The following NRG1 variants were observed in gnomAD, a reference collection of about 807,000 sequenced individuals.
The protein encoded by NRG1 is pro-neuregulin-1, membrane-bound isoform.
NRG1 carries 18 observed loss-of-function variants against 63.8 expected under a neutral mutation model. That is an observed-to-expected ratio of 0.28 (90% CI 0.19 to 0.42). The LOEUF (loss-of-function observed/expected upper bound fraction) is 0.42, where lower values mean the gene tolerates loss of function less well. NRG1 is among the 10% of genes least tolerant of loss of function. NRG1 has a pLI of 1.00. For synonymous variants in NRG1, 302 were observed against 301.3 expected, an observed-to-expected ratio of 1.00 and a Z score of -0.02; for missense variants, 762 against 814.7, an observed-to-expected ratio of 0.94 and a Z score of 0.79.
At chr8:31,704,151 T>G (rs1810895902) in intron 1 of NRG1, among the ~76,000 whole-genome samples, 1 of 151,986 alleles carries the variant, frequency 6.6e-6, no homozygotes, top group Admixed American at 6.5e-5. Context: ...AAAGGTCTAG[T>G]CAGATGGTCA....
chr8:32,515,908 T>G (rs1360600590), intron 1 of NRG1, among the ~76,000 whole-genome samples: 1 of 152,230 alleles, frequency 6.6e-6, no homozygotes, highest in Non-Finnish European at 1.5e-5. Context: ...GCAGAAGCTC[T>G]TCAGTGTAAT....
chr8:32,176,708 C>G (rs1453081083), intron 1 of NRG1, among the ~76,000 whole-genome samples: 1 of 152,116 alleles, frequency 6.6e-6, no homozygotes, highest in Non-Finnish European at 1.5e-5. Flanking sequence ...ATTTATGCAA[C>G]CAAAAGACAC....
chr8:32,565,993 G>A (rs1284678074), intron 1 of NRG1, among the ~76,000 whole-genome samples: 1 of 152,138 alleles, frequency 6.6e-6, no homozygotes, highest in Non-Finnish European at 1.5e-5. Flanking sequence ...ACCAGCCTGT[G>A]CACACCTAGG....
intron 1 of NRG1, among the ~76,000 whole-genome samples, chr8:31,662,692 C>T (rs1031279068): frequency 6.6e-6 from 1 of 152,114 alleles, no homozygotes; most frequent in Non-Finnish European, 1.5e-5. Flanking sequence ...CGTTGTGTGT[C>T]TATTATAGGA....
At chr8:31,766,193 G>A (rs1036995555) in intron 1 of NRG1, among the ~76,000 whole-genome samples, 2 of 151,844 alleles carry the variant, frequency 1.3e-5, no homozygotes, top group Non-Finnish European at 2.9e-5. Flanking sequence ...AAGCTTTTAT[G>A]GAGATTCTGA....
At chr8:32,171,342 G>A (rs1304650250) in intron 1 of NRG1, 1 of 152,148 alleles carries the variant, frequency 6.6e-6, no homozygotes, top group South Asian at 2.1e-4. Flanking sequence ...CCGTCATCTA[G>A]GTTTTAAGAC....
At chr8:32,560,498 G>T (rs1836185352) in intron 1 of NRG1, among the ~76,000 whole-genome samples, 1 of 152,224 alleles carries the variant, frequency 6.6e-6, no homozygotes, top group African/African-American at 2.4e-5. Flanking sequence ...CTGACTGAAT[G>T]AGGAAGTATG....
chr8:31,785,422 A>G (rs879945660), intron 1 of NRG1, among the ~76,000 whole-genome samples: 2 of 152,194 alleles, frequency 1.3e-5, no homozygotes, highest in Non-Finnish European at 2.9e-5. Context: ...TGAGCTTGTG[A>G]TAAAGAGCAG....
intron 1 of NRG1, among the ~76,000 whole-genome samples, chr8:32,058,086 T>C (rs2130882699): frequency 6.6e-6 from 1 of 152,270 alleles, no homozygotes; most frequent in African/African-American, 2.4e-5. Context: ...TACAAATGTA[T>C]TAATTCACCA....
At chr8:32,673,131 G>A (rs1806147345) in intron 5 of NRG1, among the ~76,000 whole-genome samples, 1 of 152,188 alleles carries the variant, frequency 6.6e-6, no homozygotes. Context: ...CACAAAGCGA[G>A]TTATTTTAAA....
intron 1 of NRG1, among the ~76,000 whole-genome samples, chr8:32,341,621 C>A (rs1714428): frequency 0.69 from 104,852 of 151,826 alleles, 36,474 homozygotes; most frequent in East Asian, 0.9. Flanking sequence ...GCCACATAGG[C>A]ACAGGCAGGG....
chr8:32,408,040 G>C (rs766808672), intron 1 of NRG1, among the ~76,000 whole-genome samples: 2 of 152,064 alleles, frequency 1.3e-5, no homozygotes, highest in Non-Finnish European at 2.9e-5. Flanking sequence ...CTCATTTATT[G>C]TCAGTGAGTG....
intron 7 of NRG1, among the ~76,000 whole-genome samples, chr8:32,773,944 T>C (rs568780890): frequency 3.9e-5 from 6 of 152,352 alleles, no homozygotes; most frequent in African/African-American, 1.2e-4. Flanking sequence ...CTACGAACTT[T>C]ATGATTATTG....
intron 1 of NRG1, among the ~76,000 whole-genome samples, chr8:31,642,571 G>GAA (rs148287750): frequency 6.6e-6 from 1 of 152,034 alleles, no homozygotes; most frequent in Admixed American, 6.5e-5. Context: ...CTTCTAAGGG[G>GAA]AAAAAACTTC....
At chr8:32,147,863 A>AT (rs1051324677) in intron 1 of NRG1, among the ~76,000 whole-genome samples, 1 of 152,052 alleles carries the variant, frequency 6.6e-6, no homozygotes, top group Non-Finnish European at 1.5e-5. Flanking sequence ...CATTATCTTT[A>AT]TTTTTTTATT....
chr8:32,401,530 G>A (rs1563412752), intron 1 of NRG1, among the ~76,000 whole-genome samples: 1 of 152,044 alleles, frequency 6.6e-6, no homozygotes, highest in South Asian at 2.1e-4. Flanking sequence ...GCATTCTATA[G>A]TCATTCGATG....
intron 1 of NRG1, among the ~76,000 whole-genome samples, chr8:32,136,407 A>G (rs937183602): frequency 2.6e-5 from 4 of 152,188 alleles, no homozygotes; most frequent in Non-Finnish European, 5.9e-5. Flanking sequence ...TCTCTGACCC[A>G]AAGTCTCATG....
At chr8:32,404,882 G>A (rs1813747225) in intron 1 of NRG1, among the ~76,000 whole-genome samples, 2 of 152,230 alleles carry the variant, frequency 1.3e-5, no homozygotes, top group African/African-American at 4.8e-5. Context: ...ACTGTGCCCA[G>A]CCTTCATCTT....
At chr8:32,360,784 C>T (rs1219530741) in intron 1 of NRG1, among the ~76,000 whole-genome samples, 2 of 152,188 alleles carry the variant, frequency 1.3e-5, no homozygotes, top group African/African-American at 4.8e-5. Flanking sequence ...CCCCAGTTCC[C>T]TTAACTATCA....
Sources: allele counts gnomAD v4.1 joint callset (sites outside exome capture counted in the v4.1 genomes callset), GRCh38; gene constraint gnomAD v4.1.1; transcripts MANE v1.5; gene names NCBI Gene and HGNC (gene_info 2026-07-23, HGNC 2026-07-21).